L3MBTL4: variants seen among roughly 807,000 people sequenced by gnomAD.
L3MBTL4 encodes the protein lethal(3)malignant brain tumor-like protein 4.
In L3MBTL4, 70 loss-of-function variants were observed where a neutral mutation model predicts 84.5. That is an observed-to-expected ratio of 0.83 (90% CI 0.68 to 1.01). The LOEUF (loss-of-function observed/expected upper bound fraction) is 1.01, where lower values mean the gene tolerates loss of function less well. L3MBTL4 is among the 50% of genes least tolerant of loss of function. The pLI is 0.00. For synonymous variants in L3MBTL4, 274 were observed against 259.8 expected (o/e 1.05, Z -0.52); for missense variants, 715 against 754.8 (o/e 0.95, Z 0.62).
intron 14 of L3MBTL4, among the ~76,000 whole-genome samples, chr18:6,124,132 A>G (rs2059612585): frequency 6.6e-6 from 1 of 152,222 alleles, no homozygotes; most frequent in East Asian, 1.9e-4. Flanking sequence ...AATTTAGAAC[A>G]TTCATTCAAG....
In L3MBTL4 at chr18:6,339,242, T is replaced by C. The variant is rs577921381; in HGVS notation, c.-90-27186A>G. Among the ~76,000 whole-genome samples, 68 of 152,324 alleles carry C rather than the reference T, an allele frequency of 4.5e-4. No homozygotes were observed. In the South Asian group the frequency reaches 0.014, roughly 31 times the overall value. On this transcript the variant is annotated intron_variant, in intron 1 of 18. Coordinates refer to ENST00000317931, the MANE Select transcript of L3MBTL4 (RefSeq NM_001330559.2). The stretch of plus-strand genomic sequence containing the variant: ...TTGAAACATTTACCAAAATTGACTA[T>C]GTATGCTGGGTCATAAAGCAGACTT...
chr18:6,380,166 C>T lies in L3MBTL4; in HGVS notation c.-91+34635G>A, dbSNP rs555763552. 1.3e-4 allele frequency among the ~76,000 whole-genome samples: 20 copies of T among 152,150 alleles called. 1 individual carries two copies. The South Asian group carries it at 3.9e-3, about 30-fold the overall frequency. The stretch of plus-strand genomic sequence containing the variant: ...TTTCTGTGGGATCAGTGGTGATATT[C>T]CCTATATCATTTTTATTGTGTCTAT... On this transcript the variant is annotated intron_variant, in intron 1 of 18. Transcript: ENST00000317931.
chr18:6,030,468 G>A, intron 16 of L3MBTL4: 3 of 971,844 alleles, frequency 3.1e-6, no homozygotes, highest in Non-Finnish European at 2.4e-6. Context: ...TACTAAACAA[G>A]TGAAGTATTA....
At chr18:6,124,538 A>T (rs1276998320) in intron 14 of L3MBTL4, among the ~76,000 whole-genome samples, 1 of 151,764 alleles carries the variant, frequency 6.6e-6, no homozygotes. Context: ...TTATCATGGT[A>T]AAAACTAGAA....
At chr18:6,049,687 T>A (rs1328230551) in intron 16 of L3MBTL4, among the ~76,000 whole-genome samples, 1 of 152,000 alleles carries the variant, frequency 6.6e-6, no homozygotes, top group Non-Finnish European at 1.5e-5. Flanking sequence ...GACATAAAGG[T>A]GGCAAAAATA....
At chr18:6,217,427 G>A (rs2046372405) in intron 10 of L3MBTL4, among the ~76,000 whole-genome samples, 2 of 152,160 alleles carry the variant, frequency 1.3e-5, no homozygotes, top group African/African-American at 4.8e-5. Context: ...CATTCCGAAT[G>A]TGAGGGTCAG....
intron 6 of L3MBTL4, among the ~76,000 whole-genome samples, chr18:6,244,130 T>C (rs545806891): frequency 6.6e-6 from 1 of 152,318 alleles, no homozygotes; most frequent in South Asian, 2.1e-4. Flanking sequence ...TTCATATGCA[T>C]TAATATTATT....
intron 16 of L3MBTL4, among the ~76,000 whole-genome samples, chr18:5,987,407 T>C (rs929500378): frequency 2.6e-5 from 4 of 152,254 alleles, no homozygotes; most frequent in East Asian, 1.9e-4. Context: ...AGCCCAGCAG[T>C]GTGGGAATGT....
At chr18:6,262,118 C>T (rs762169406) in intron 5 of L3MBTL4, among the ~76,000 whole-genome samples, 5 of 152,136 alleles carry the variant, frequency 3.3e-5, no homozygotes, top group South Asian at 2.1e-4. Context: ...ACCTTGACCC[C>T]GCTACCTCTG....
At chr18:6,279,082 G>A (rs1296628501) in intron 4 of L3MBTL4, among the ~76,000 whole-genome samples, 1 of 152,114 alleles carries the variant, frequency 6.6e-6, no homozygotes, top group Non-Finnish European at 1.5e-5. Flanking sequence ...TCAGCATAGA[G>A]TTGAGACTTA....
At chr18:6,111,551 G>A (rs1413463521) in intron 14 of L3MBTL4, among the ~76,000 whole-genome samples, 4 of 152,134 alleles carry the variant, frequency 2.6e-5, no homozygotes, top group Admixed American at 1.3e-4. Context: ...TAGAGATGGA[G>A]AATCCAAGAG....
At chr18:6,111,864 T>C (rs1356623606) in intron 14 of L3MBTL4, among the ~76,000 whole-genome samples, 1 of 152,144 alleles carries the variant, frequency 6.6e-6, no homozygotes. Context: ...TAAAATCTAC[T>C]CTCTTAGCAA....
chr18:6,016,938 G>T (rs2055013384), intron 16 of L3MBTL4, among the ~76,000 whole-genome samples: 1 of 152,122 alleles, frequency 6.6e-6, no homozygotes, highest in Admixed American at 6.5e-5. Flanking sequence ...CAGGCCAGGG[G>T]TACCACCGCC....
At chr18:6,172,192 C>CT (rs2044006302) in intron 12 of L3MBTL4, among the ~76,000 whole-genome samples, 1 of 152,148 alleles carries the variant, frequency 6.6e-6, no homozygotes, top group Admixed American at 6.6e-5. Flanking sequence ...TGACCAGAAT[C>CT]TGAAGAAGTA....
intron 14 of L3MBTL4, among the ~76,000 whole-genome samples, chr18:6,095,832 A>G (rs73378092): frequency 0.018 from 2,732 of 152,266 alleles, 89 homozygotes; most frequent in African/African-American, 0.063. Flanking sequence ...ACTATTCCCA[A>G]CAGCAGCAGA....
At chr18:6,279,961 T>C (rs1222507377) in intron 4 of L3MBTL4, among the ~76,000 whole-genome samples, 1 of 152,218 alleles carries the variant, frequency 6.6e-6, no homozygotes, top group African/African-American at 2.4e-5. Flanking sequence ...ATTCAAGACA[T>C]CCCCTGGTGG....
At chr18:6,307,834 C>G (rs1456751884) in intron 3 of L3MBTL4, among the ~76,000 whole-genome samples, 2 of 152,134 alleles carry the variant, frequency 1.3e-5, no homozygotes, top group African/African-American at 4.8e-5. Context: ...TTTTCAGTAT[C>G]AAATATTTTA....
intron 12 of L3MBTL4, among the ~76,000 whole-genome samples, chr18:6,180,879 C>A (rs1168836519): frequency 6.6e-6 from 1 of 152,162 alleles, no homozygotes; most frequent in Non-Finnish European, 1.5e-5. Context: ...TGGTAACAAT[C>A]CAAGTGTCCG....
At chr18:6,227,736 A>G (rs1234882964) in intron 10 of L3MBTL4, among the ~76,000 whole-genome samples, 5 of 152,148 alleles carry the variant, frequency 3.3e-5, no homozygotes, top group Admixed American at 6.5e-5. Flanking sequence ...AGGAAATCAA[A>G]TCATAACTCA....
Sources: gnomAD v4.1 joint callset for allele counts (sites outside exome capture counted in the v4.1 genomes callset) on GRCh38, gnomAD v4.1.1 for gene constraint, MANE v1.5 for transcripts, NCBI Gene and HGNC (gene_info 2026-07-23, HGNC 2026-07-21) for gene names.